Variants in TUSC3 observed in about 807,000 individuals in gnomAD.
The protein encoded by TUSC3 is tumor suppressor candidate 3.
A neutral mutation model predicts 44.8 loss-of-function variants in TUSC3; 45 were observed. That is an observed-to-expected ratio of 1.00 (90% confidence interval 0.79 to 1.29). TUSC3 has a LOEUF of 1.29. TUSC3 is among the 50% of genes most tolerant of loss of function. TUSC3 has a pLI of 0.00. For synonymous variants in TUSC3, 212 were observed against 152.9 expected, an observed-to-expected ratio of 1.39 and a Z score of -2.85; for missense variants, 519 against 437.9, an observed-to-expected ratio of 1.19 and a Z score of -1.65.
intron 1 of TUSC3, among the ~76,000 whole-genome samples, chr8:15,569,302 C>T (rs533001872): frequency 3.3e-5 from 5 of 152,054 alleles, no homozygotes; most frequent in African/African-American, 4.8e-5. Context: ...TTTCTTGCTA[C>T]TTGCTGGAAA....
intron 1 of TUSC3, among the ~76,000 whole-genome samples, chr8:15,569,274 C>T (rs780385019): frequency 2.8e-4 from 42 of 152,128 alleles, no homozygotes; most frequent in Non-Finnish European, 5.3e-4. Context: ...TGTTCTGCGT[C>T]TATATCTCTA....
chr8:15,604,029 G>A (rs1340343167), intron 1 of TUSC3, among the ~76,000 whole-genome samples: 1 of 151,656 alleles, frequency 6.6e-6, no homozygotes, highest in Non-Finnish European at 1.5e-5. Flanking sequence ...ATGGAAAAAT[G>A]TAATATATTA....
intron 10 of TUSC3, chr8:15,758,368 C>A: frequency 2.5e-6 from 1 of 395,690 alleles, no homozygotes; most frequent in Non-Finnish European, 3.4e-6. Flanking sequence ...TATAAAATTA[C>A]TGTCAATTTT....
intron 1 of TUSC3, among the ~76,000 whole-genome samples, chr8:15,459,832 TTGTGTGTGTGTGTGTGTGTGTGTATG>T (rs1336447706): frequency 6.7e-6 from 1 of 148,540 alleles, no homozygotes. Context: ...AGTATTCCAT[TTGTGTGTGTGTGTGTGTGTGTGTATG>T]TGTGTGTGTG....
At chr8:15,790,783 G>A in the TUSC3 span, among the ~76,000 whole-genome samples, 1 of 152,120 alleles carries the variant, frequency 6.6e-6, no homozygotes. Context: ...GTGTATTTGA[G>A]GATATGAAAT....
chr8:15,646,239 G>A (rs140961964), intron 2 of TUSC3, among the ~76,000 whole-genome samples: 2 of 152,226 alleles, frequency 1.3e-5, no homozygotes, highest in African/African-American at 4.8e-5. Context: ...TTTCATGCAC[G>A]TGGTTAAGAA....
chr8:15,535,283 ATT>A (rs940485405), upstream of TUSC3, among the ~76,000 whole-genome samples: 9 of 152,210 alleles, frequency 5.9e-5, no homozygotes, highest in Non-Finnish European at 2.9e-5. Flanking sequence ...AGGATAAAGA[ATT>A]TGGGTTAGTC....
At chr8:15,833,400 C>T in the TUSC3 span, among the ~76,000 whole-genome samples, 1 of 152,148 alleles carries the variant, frequency 6.6e-6, no homozygotes, top group African/African-American at 2.4e-5. Context: ...CATGAAGACA[C>T]ATACACACAT....
intron 1 of TUSC3, among the ~76,000 whole-genome samples, chr8:15,429,097 C>T (rs7839689): frequency 0.14 from 20,795 of 151,664 alleles, 1,528 homozygotes; most frequent in Middle Eastern, 0.21. Context: ...GTTTTTATGG[C>T]TTTAGGTCTA....
chr8:15,756,084 G>A (rs748655096), intron 9 of TUSC3, among the ~76,000 whole-genome samples: 3 of 152,132 alleles, frequency 2.0e-5, no homozygotes, highest in Admixed American at 6.6e-5. Context: ...TGATATAATG[G>A]AAAAATAACA....
chr8:15,615,763 A>G (rs1453771498), intron 1 of TUSC3, among the ~76,000 whole-genome samples: 1 of 152,232 alleles, frequency 6.6e-6, no homozygotes, highest in African/African-American at 2.4e-5. Context: ...GTCAACTGAA[A>G]AGGAAAAAAG....
At chr8:15,743,404 A>G (rs1811276463) in intron 7 of TUSC3, 134 bp from the exon 8 acceptor site, 1 of 896,534 alleles carries the variant, frequency 1.1e-6, no homozygotes, top group Non-Finnish European at 1.8e-6. Context: ...TTTATGTTAT[A>G]TAAAGGTAAT....
the TUSC3 span, among the ~76,000 whole-genome samples, chr8:15,842,748 G>C: frequency 1.3e-5 from 2 of 152,202 alleles, no homozygotes; most frequent in African/African-American, 4.8e-5. Flanking sequence ...ACAAACGCGA[G>C]AAGGTCCTTT....
intron 2 of TUSC3, among the ~76,000 whole-genome samples, chr8:15,627,658 C>T (rs1001439562): frequency 7.2e-5 from 11 of 152,214 alleles, no homozygotes; most frequent in South Asian, 2.1e-4. Flanking sequence ...TCCAAGCTTC[C>T]GGTGCCACTG....
At chr8:15,463,062 A>G (rs892680329) in intron 1 of TUSC3, among the ~76,000 whole-genome samples, 7 of 149,468 alleles carry the variant, frequency 4.7e-5, no homozygotes, top group African/African-American at 1.5e-4. Flanking sequence ...CTCTTCCTCT[A>G]CCTTCTCCTT....
At chr8:15,664,396 G>T (rs1807561948) in intron 5 of TUSC3, among the ~76,000 whole-genome samples, 1 of 150,782 alleles carries the variant, frequency 6.6e-6, no homozygotes, top group Admixed American at 6.6e-5. Context: ...AAATACTTCA[G>T]TTGATCAGTT....
At chr8:15,681,286 TGA>T (rs1412980531) in intron 6 of TUSC3, among the ~76,000 whole-genome samples, 2 of 151,926 alleles carry the variant, frequency 1.3e-5, no homozygotes, top group Admixed American at 6.6e-5. Context: ...GGAATTCATC[TGA>T]ATACATCTGG....
At chr8:15,584,253 G>C (rs1803502172) in intron 1 of TUSC3, among the ~76,000 whole-genome samples, 1 of 152,138 alleles carries the variant, frequency 6.6e-6, no homozygotes, top group Non-Finnish European at 1.5e-5. Context: ...ATCAGTCTCA[G>C]CACAACATTG....
At chr8:15,489,930 C>T (rs11992922) in intron 2 of TUSC3, among the ~76,000 whole-genome samples, 2 of 152,068 alleles carry the variant, frequency 1.3e-5, no homozygotes, top group South Asian at 4.1e-4. Flanking sequence ...TCTGATATGG[C>T]TAGAAAATCC....
Sources: allele counts gnomAD v4.1 joint callset (sites outside exome capture counted in the v4.1 genomes callset), GRCh38; gene constraint gnomAD v4.1.1; transcripts MANE v1.5; gene names NCBI Gene and HGNC (gene_info 2026-07-23, HGNC 2026-07-21).